Variants in NALF1 observed in about 807,000 individuals in gnomAD.
The protein encoded by NALF1 is NALCN channel auxiliary factor 1, also known as family with sequence similarity 155 member A.
Under a neutral mutation model 48.4 loss-of-function variants are expected in NALF1, and 3 were observed. The ratio of observed to expected loss-of-function variants is 0.06; its 90% confidence interval spans 0.03 to 0.16. The LOEUF (loss-of-function observed/expected upper bound fraction) is 0.16. Among genes scored for constraint, NALF1 ranks in the 10% least tolerant of loss-of-function variants. The probability of loss-of-function intolerance (pLI) is 1.00; values close to 1 mark genes in which losing one functional copy is unlikely to be tolerated. For missense variants in NALF1, 526 were observed against 571.5 expected (o/e 0.92, Z 0.81); for synonymous variants, 262 against 245.7 (o/e 1.07, Z -0.62).
rs1363218793 is a variant in NALF1 at position 107,316,232 on chromosome 13, A to AT, written c.916-105478dup. 1.4e-4 allele frequency among the ~76,000 whole-genome samples: 21 copies of AT among 152,220 alleles called. No individual in the cohort carries two copies. In the South Asian group the frequency reaches 1.7e-3, roughly 12 times the overall value. Reference sequence around the variant, plus strand: ...TCCCTACAAAGGACATGAAATCATCATTTTTTATGGCTGCATAGTATTCCA... The same window carrying AT: ...TCCCTACAAAGGACATGAAATCATCATTTTTTTATGGCTGCATAGTATTCCA... On this transcript the variant is annotated intron_variant, in intron 1 of 2. Transcript: ENST00000375915.
intron 1 of NALF1, among the ~76,000 whole-genome samples, chr13:107,392,702 T>C (rs919089160): frequency 1.3e-5 from 2 of 152,072 alleles, no homozygotes; most frequent in Non-Finnish European, 2.9e-5. Context: ...TGCGCGTGCA[T>C]GCATGTGTGT....
rs566062621 is a variant in NALF1 at position 107,838,866 on chromosome 13, C to A, written c.915+26816G>T. Among the ~76,000 whole-genome samples, 5 of 152,276 alleles carry A rather than the reference C, an allele frequency of 3.3e-5. No individual in the cohort carries two copies. The South Asian group carries it at 1.0e-3, about 32-fold the overall frequency. On this transcript the variant is annotated intron_variant, in intron 1 of 2. Transcript: ENST00000375915. The stretch of plus-strand genomic sequence containing the variant: ...GAGTATGAAAGTCATTATACGACAA[C>A]AAATCCTCTTCTATCACATTTCACT...
intron 1 of NALF1, among the ~76,000 whole-genome samples, chr13:107,377,020 T>C (rs1883351281): frequency 6.6e-6 from 1 of 152,134 alleles, no homozygotes; most frequent in African/African-American, 2.4e-5. Context: ...GTCCCTTCCC[T>C]CCCAGCAGAT....
intron 1 of NALF1, among the ~76,000 whole-genome samples, chr13:107,461,396 T>C (rs1330773122): frequency 6.6e-6 from 1 of 152,222 alleles, no homozygotes; most frequent in African/African-American, 2.4e-5. Flanking sequence ...ATGTCATTTA[T>C]GAACTAAACA....
intron 1 of NALF1, among the ~76,000 whole-genome samples, chr13:107,446,405 T>TCACACA (rs34962012): frequency 0.013 from 1,900 of 146,062 alleles, 20 homozygotes; most frequent in African/African-American, 0.015. Context: ...ATAATTAAAT[T>TCACACA]CACACACACA....
intron 1 of NALF1, among the ~76,000 whole-genome samples, chr13:107,743,640 A>C (rs111282138): frequency 4.6e-5 from 7 of 152,208 alleles, no homozygotes; most frequent in African/African-American, 1.4e-4. Flanking sequence ...GAGAGAGAAG[A>C]TTTGAAGATA....
chr13:107,392,220 G>T (rs533997433), intron 1 of NALF1, among the ~76,000 whole-genome samples: 2 of 152,066 alleles, frequency 1.3e-5, no homozygotes, highest in East Asian at 3.9e-4. Context: ...CTTTCATGGG[G>T]TGCTTTTGTG....
intron 1 of NALF1, among the ~76,000 whole-genome samples, chr13:107,861,580 C>T (rs535906043): frequency 1.8e-4 from 28 of 152,264 alleles, no homozygotes; most frequent in Admixed American, 1.2e-3. Flanking sequence ...GTCAGGAGAT[C>T]GAGACCATCC....
Position 107,325,937 on chromosome 13 carries a change from C to CACACATAT in NALF1, c.916-115190_916-115183dup, listed in dbSNP as rs1318526406. ...ATACATATATCACACATATATACAACACACATATATACATATATATACACA... is the reference window on the plus strand; with the variant it reads ...ATACATATATCACACATATATACAACACACATATACACATATATACATATATATACACA... On this transcript the variant is annotated intron_variant, in intron 1 of 2. Coordinates refer to ENST00000375915, the MANE Select transcript of NALF1 (RefSeq NM_001080396.3). Among the ~76,000 whole-genome samples, 73 of 140,026 alleles carry CACACATAT rather than the reference C, an allele frequency of 5.2e-4. 1 individual carries two copies. Among genetic ancestry groups the CACACATAT allele is most frequent in the Non-Finnish European group, 4.0e-4 (26 of 64,752 alleles). 91.9% of individuals were successfully genotyped at this position (140,026 alleles called of 152,430 possible).
Position 107,718,751 on chromosome 13 carries a change from G to A in NALF1, c.915+146931C>T, listed in dbSNP as rs145529856. ...TCACCCCTACTCTGAACCAGGCCCT[G>A]CGCTTTCTAATATGGCAGCCAATAG... On this transcript the variant is annotated intron_variant, in intron 1 of 2. Transcript: ENST00000375915. 3.5e-3 allele frequency among the ~76,000 whole-genome samples: 533 copies of A among 152,264 alleles called. 3 individuals are homozygous for A. The highest frequency in any genetic ancestry group is 6.4e-3 in the Non-Finnish European group (432 of 68,022).
At chr13:107,706,845 G>T (rs1305358898) in intron 1 of NALF1, among the ~76,000 whole-genome samples, 3 of 150,216 alleles carry the variant, frequency 2.0e-5, no homozygotes, top group Non-Finnish European at 4.4e-5. Context: ...ATTCATAGTT[G>T]AATACAACTG....
At chr13:107,484,812 T>C (rs146595557) in intron 1 of NALF1, among the ~76,000 whole-genome samples, 4 of 152,270 alleles carry the variant, frequency 2.6e-5, no homozygotes, top group Non-Finnish European at 5.9e-5. Context: ...GCAATACTTA[T>C]TGTTTGAATC....
At chr13:107,800,439 A>G (rs1878570560) in intron 1 of NALF1, among the ~76,000 whole-genome samples, 4 of 151,720 alleles carry the variant, frequency 2.6e-5, no homozygotes, top group African/African-American at 4.8e-5. Context: ...AACTACACTA[A>G]GTTTAAATAG....
chr13:107,747,247 T>C (rs1876805716), intron 1 of NALF1, among the ~76,000 whole-genome samples: 1 of 152,200 alleles, frequency 6.6e-6, no homozygotes, highest in Non-Finnish European at 1.5e-5. Flanking sequence ...TTCCTGATGG[T>C]GATTTACATG....
At chr13:107,743,634 G>A (rs72657227) in intron 1 of NALF1, among the ~76,000 whole-genome samples, 5,802 of 152,322 alleles carry the variant, frequency 0.038, 114 homozygotes, top group Non-Finnish European at 0.046. Context: ...TAAGCTGAGA[G>A]AGAAGATTTG....
intron 1 of NALF1, among the ~76,000 whole-genome samples, chr13:107,846,463 T>C (rs896474471): frequency 1.3e-4 from 20 of 152,154 alleles, no homozygotes; most frequent in African/African-American, 4.3e-4. Context: ...CCCACCTGCC[T>C]TTCCAGCCTG....
chr13:107,201,031 A>G (rs1879502915), intron 2 of NALF1, among the ~76,000 whole-genome samples: 2 of 152,306 alleles, frequency 1.3e-5, no homozygotes, highest in South Asian at 4.1e-4. Context: ...CAGACACGCC[A>G]CTGCAATGAA....
intron 2 of NALF1, among the ~76,000 whole-genome samples, chr13:107,175,874 G>A (rs1024418062): frequency 3.9e-5 from 6 of 152,162 alleles, no homozygotes; most frequent in Non-Finnish European, 5.9e-5. Context: ...GCCTCCTAAC[G>A]ATGTACAGGT....
intron 1 of NALF1, among the ~76,000 whole-genome samples, chr13:107,408,555 T>A (rs999125675): frequency 2.0e-5 from 3 of 152,216 alleles, no homozygotes; most frequent in East Asian, 1.9e-4. Flanking sequence ...CACAGAACAG[T>A]GAACAATTCT....
Sources: gnomAD v4.1 joint callset for allele counts (sites outside exome capture counted in the v4.1 genomes callset) on GRCh38, gnomAD v4.1.1 for gene constraint, MANE v1.5 for transcripts, NCBI Gene and HGNC (gene_info 2026-07-23, HGNC 2026-07-21) for gene names.